SNAPC3: variants seen among roughly 807,000 people sequenced by gnomAD.
SNAPC3 encodes snRNA-activating protein complex subunit 3.
Under a neutral mutation model 47.7 loss-of-function variants are expected in SNAPC3, and 56 were observed. The observed-to-expected ratio is 1.18, with a 90% CI of 0.95 to 1.47. The LOEUF is 1.47. Among genes scored for constraint, SNAPC3 ranks in the 40% most tolerant of loss-of-function variants. The probability of loss-of-function intolerance (pLI) is 0.00; values close to 1 mark genes in which losing one functional copy is unlikely to be tolerated. For synonymous variants in SNAPC3, 235 were observed against 189.9 expected (o/e 1.24, Z -1.95); for missense variants, 665 against 511.3 (o/e 1.30, Z -2.90).
chr9:15,453,257 G>C (rs775769321), intron 7 of SNAPC3, 52 bp downstream of exon 7: 4 of 1,414,126 alleles, frequency 2.8e-6, no homozygotes, highest in South Asian at 2.6e-5. Flanking sequence ...CTTTATTTCA[G>C]AGTACAAAAC....
At chr9:15,443,807 C>T (rs563869647) in intron 3 of SNAPC3, among the ~76,000 whole-genome samples, 10 of 152,326 alleles carry the variant, frequency 6.6e-5, no homozygotes, top group African/African-American at 2.2e-4. Context: ...GTCTCATCGG[C>T]GAGGGGCGAA....
At chr9:15,424,839 C>T (rs1166601413) in intron 2 of SNAPC3, among the ~76,000 whole-genome samples, 1 of 152,210 alleles carries the variant, frequency 6.6e-6, no homozygotes, top group Non-Finnish European at 1.5e-5. Context: ...AATATTCAGG[C>T]AGTCATTTCA....
chr9:15,465,751 C>T, downstream of SNAPC3: 1 of 539,294 alleles, frequency 1.9e-6, no homozygotes, highest in Non-Finnish European at 3.2e-6. Context: ...TTTTCTTCTT[C>T]AAAACTGTTA....
chr9:15,451,637 A>G (rs1193360846), intron 6 of SNAPC3, among the ~76,000 whole-genome samples: 1 of 152,194 alleles, frequency 6.6e-6, no homozygotes, highest in Non-Finnish European at 1.5e-5. Flanking sequence ...GCTGTATAGC[A>G]TGCTATAATC....
rs2035113844 is a variant in SNAPC3 at position 15,460,366 on chromosome 9, C to T, written c.*500C>T. 6.6e-6 allele frequency: 1 copy of T among 152,226 alleles called. No homozygotes were observed. Among genetic ancestry groups the T allele is most frequent in the Non-Finnish European group, 1.5e-5 (1 of 68,036 alleles). The allele number at this position is 152,226 out of a possible 1,614,324, so 9.4% of individuals were successfully genotyped here. A position where few individuals can be genotyped will look rare whatever the true frequency, so the allele number is the denominator to read the frequency against. ...GAAACTAGGGAGAATGAATTATTTA[C>T]AAATAAGACAAAATTAATAGCTTTG... On this transcript the variant is annotated 3_prime_UTR_variant, in exon 9 of 9. Coordinates refer to ENST00000380821, the MANE Select transcript of SNAPC3 (RefSeq NM_001039697.2).
At chr9:15,465,936 AAGAG>A (rs759291772), downstream of SNAPC3, 11 of 191,656 alleles carry the variant, frequency 5.7e-5, no homozygotes, top group Non-Finnish European at 1.2e-4. Context: ...TCTTAATAAA[AAGAG>A]AGGTTGATAC....
At position 15,458,023 on chromosome 9, in the gene SNAPC3, G is replaced by C; in HGVS notation, c.1044G>C (p.Trp348Cys). 1 of 1,593,374 alleles carries C rather than the reference G, an allele frequency of 6.3e-7. No individual in the cohort carries two copies. Among genetic ancestry groups the C allele is most frequent in the Non-Finnish European group, 8.5e-7 (1 of 1,172,892 alleles). ...TLYPLLIKKH[W>C]LWTRKCFVCK... Reference sequence around the variant, plus strand: ...ATCCCCTCCTTATCAAGAAGCATTGGCTATGGACCAGAAAATGTTTTGTTT... The same window carrying C: ...ATCCCCTCCTTATCAAGAAGCATTGCCTATGGACCAGAAAATGTTTTGTTT... Residue 348 changes from tryptophan (W) to cysteine (C), a missense_variant, in exon 8 of 9, where the codon TGG becomes TGC. Coordinates refer to ENST00000380821, the MANE Select transcript of SNAPC3 (RefSeq NM_001039697.2).
intron 3 of SNAPC3, among the ~76,000 whole-genome samples, chr9:15,438,746 AT>A (rs1198304766): frequency 1.3e-5 from 2 of 151,790 alleles, no homozygotes; most frequent in Non-Finnish European, 2.9e-5. Context: ...TATTACTTTA[AT>A]TTTTTTTAAT....
chr9:15,424,214 G>C (rs1200500497), intron 2 of SNAPC3, among the ~76,000 whole-genome samples: 1 of 152,004 alleles, frequency 6.6e-6, no homozygotes, highest in Admixed American at 6.6e-5. Flanking sequence ...TAATTTACCC[G>C]TAAATACATA....
intron 2 of SNAPC3, 35 bp from the exon 3 acceptor site, chr9:15,433,517 C>A: frequency 1.5e-6 from 2 of 1,312,794 alleles, no homozygotes; most frequent in South Asian, 1.3e-5. Context: ...AAATGTTGAA[C>A]TTTGATTTTT....
chr9:15,465,333 G>A (rs749598364), downstream of SNAPC3: 2 of 553,498 alleles, frequency 3.6e-6, no homozygotes, highest in Admixed American at 3.7e-5. Flanking sequence ...TAATGTAGCT[G>A]TTAATACTGC....
intron 3 of SNAPC3, among the ~76,000 whole-genome samples, chr9:15,439,454 C>G (rs1031176278): frequency 2.6e-5 from 4 of 152,110 alleles, no homozygotes; most frequent in Non-Finnish European, 5.9e-5. Context: ...CTCTTAGGCT[C>G]AAGTAATACT....
In SNAPC3 at chr9:15,460,001, A is replaced by T. The variant is rs72704758; in HGVS notation, c.*135A>T. ...GCTAAAGCTATCAAAAAAAAGTCCA[A>T]ATGACAGATTTTCTTATAATGATAG... On this transcript the variant is annotated 3_prime_UTR_variant, in exon 9 of 9. Coordinates refer to ENST00000380821, the MANE Select transcript of SNAPC3 (RefSeq NM_001039697.2). The T allele has an allele frequency of 1.8e-5, 11 of 618,486 alleles. No individual in the cohort carries two copies. The highest frequency in any genetic ancestry group is 1.0e-5 in the Non-Finnish European group (4 of 384,106). 38.3% of individuals were successfully genotyped at this position (618,486 alleles called of 1,614,324 possible).
chr9:15,440,948 C>CAAAAAA (rs1199527486), intron 3 of SNAPC3, among the ~76,000 whole-genome samples: 3,989 of 121,394 alleles, frequency 0.033, 193 homozygotes, highest in African/African-American at 0.12. Context: ...GACTCCGTCT[C>CAAAAAA]AAAAAAAAAA....
intron 5 of SNAPC3, among the ~76,000 whole-genome samples, chr9:15,449,176 G>GT (rs1018588229): frequency 6.6e-5 from 10 of 152,224 alleles, no homozygotes; most frequent in African/African-American, 2.2e-4. Context: ...CAAAAAAAAC[G>GT]TAAGATGTAA....
In SNAPC3 at chr9:15,459,976, G is replaced by T. The variant is rs925671830; in HGVS notation, c.*110G>T. ...GAACAGGATCCACTTTGAACAGTCCGCTAAAGCTATCAAAAAAAAGTCCAA... is the reference window on the plus strand; with the variant it reads ...GAACAGGATCCACTTTGAACAGTCCTCTAAAGCTATCAAAAAAAAGTCCAA... On this transcript the variant is annotated 3_prime_UTR_variant, in exon 9 of 9. Transcript: ENST00000380821. 2.3e-6 allele frequency: 2 copies of T among 857,858 alleles called. No individual in the cohort carries two copies. The highest frequency in any genetic ancestry group is 3.4e-6 in the Non-Finnish European group (2 of 587,164). 53.1% of individuals were successfully genotyped at this position (857,858 alleles called of 1,614,324 possible).
At chr9:15,461,646 G>C (rs1313478119), downstream of SNAPC3, 1 of 152,140 alleles carries the variant, frequency 6.6e-6, no homozygotes, top group East Asian at 1.9e-4. Context: ...ATTTAAATTT[G>C]ACTGAATATC....
At chr9:15,440,948 C>CAAAAAAAAAAAAA (rs1199527486) in intron 3 of SNAPC3, among the ~76,000 whole-genome samples, 1 of 121,662 alleles carries the variant, frequency 8.2e-6, no homozygotes, top group African/African-American at 3.2e-5. Context: ...GACTCCGTCT[C>CAAAAAAAAAAAAA]AAAAAAAAAA....
rs201978945 is a variant in SNAPC3 at position 15,453,220 on chromosome 9, T to C, written c.980+15T>C. On this transcript the variant is annotated intron_variant, in intron 7 of 8. Coordinates refer to ENST00000380821, the MANE Select transcript of SNAPC3 (RefSeq NM_001039697.2). ...ACTGACATAAGGTAGGTGACAGCAC[T>C]TAAGACATTTTGTTACCTTTTTTTT... 114 of 1,569,794 alleles carry C rather than the reference T, an allele frequency of 7.3e-5. No individual in the cohort carries two copies. In the African/African-American group the frequency reaches 1.5e-3, roughly 20 times the overall value.
Sources: allele counts gnomAD v4.1 joint callset (sites outside exome capture counted in the v4.1 genomes callset), GRCh38; gene constraint gnomAD v4.1.1; transcripts MANE v1.5; gene names NCBI Gene and HGNC (gene_info 2026-07-23, HGNC 2026-07-21).